MCAM: variants seen among roughly 807,000 people sequenced by gnomAD.
The protein encoded by MCAM is cell surface glycoprotein MUC18.
A neutral mutation model predicts 79.1 loss-of-function variants in MCAM; 55 were observed. That is an observed-to-expected ratio of 0.70 (90% CI 0.56 to 0.87). The LOEUF is 0.87. MCAM is among the 40% of genes least tolerant of loss of function. The pLI is 0.00. For missense variants in MCAM, 745 were observed against 839.8 expected, an observed-to-expected ratio of 0.89 and a Z score of 1.40; for synonymous variants, 330 against 339.8, an observed-to-expected ratio of 0.97 and a Z score of 0.32.
intron 5 of MCAM, 52 bp downstream of exon 5, chr11:119,314,437 T>G: frequency 1.3e-5 from 19 of 1,512,770 alleles, no homozygotes; most frequent in Non-Finnish European, 1.6e-5. Context: ...ATTACAGGTG[T>G]GAGCTACCAC....
chr11:119,313,192 AAAAAC>A, intron 5 of MCAM: 1 of 1,477,254 alleles, frequency 6.8e-7, no homozygotes, highest in South Asian at 1.2e-5. Flanking sequence ...CTGCAATGAT[AAAAAC>A]GAGCAGCCGT....
In MCAM at chr11:119,315,019, G is replaced by A; in HGVS notation, c.214C>T (p.Leu72Phe). 5 of 1,608,518 alleles carry A rather than the reference G, an allele frequency of 3.1e-6. No homozygotes were observed. Among genetic ancestry groups the A allele is most frequent in the Non-Finnish European group, 4.2e-6 (5 of 1,179,980 alleles). The part of the protein sequence containing the change: ...WFSVHKEKRT[L>F]IFRVRQGQGQ... The stretch of plus-strand genomic sequence containing the variant: ...TGGCCCTGGCGCACACGGAAGATGA[G>A]CGTCCGCTTCTCCTTGTGGACCTAA... Residue 72 changes from leucine (L) to phenylalanine (F), a missense_variant, in exon 3 of 16, where the codon CTC (leucine) becomes TTC (phenylalanine). By Grantham distance (22) the Leu-to-Phe change is conservative. Transcript: ENST00000264036. The surrounding 1 kb of genome is among the most constrained non-coding windows in gnomAD (Gnocchi z 4.4).
At chr11:119,310,609 C>T (rs1452167818) in intron 14 of MCAM, 143 bp from the exon 15 acceptor site, 2 of 1,088,180 alleles carry the variant, frequency 1.8e-6, no homozygotes, top group African/African-American at 3.1e-5. Flanking sequence ...GACCATGTGG[C>T]TGATGGAAGC....
intron 15 of MCAM, 30 bp from the exon 16 acceptor site, chr11:119,309,945 C>T: frequency 6.3e-7 from 1 of 1,586,438 alleles, no homozygotes; most frequent in African/African-American, 1.3e-5. Flanking sequence ...AAGAGGGGAA[C>T]ACGGAGACGG....
Position 119,308,985 on chromosome 11 carries a change from T to G in MCAM, c.*901A>C, listed in dbSNP as rs993696892. ...CAGGCACGTATCTTTTCTTTTTTTT[T>G]CCTCGAGACGGAGTCTCGCTGTGTT... is the stretch of plus-strand genomic sequence containing the variant. On this transcript the variant is annotated 3_prime_UTR_variant, in exon 16 of 16. Transcript: ENST00000264036. The G allele has an allele frequency of 6.6e-6, 1 of 152,210 alleles. No individual in the cohort carries two copies. Among genetic ancestry groups the G allele is most frequent in the Non-Finnish European group, 1.5e-5 (1 of 68,030 alleles). 9.4% of individuals were successfully genotyped at this position (152,210 alleles called of 1,614,324 possible). A position where few individuals can be genotyped will look rare whatever the true frequency, so the allele number is the denominator to read the frequency against.
chr11:119,317,062 C>T lies in MCAM; in HGVS notation c.40G>A (p.Ala14Thr). The T allele has an allele frequency of 6.5e-7, 1 of 1,534,686 alleles. No homozygotes were observed. The highest frequency in any genetic ancestry group is 1.4e-5 in the African/African-American group (1 of 71,868). Residue 14 changes from alanine (A) to threonine (T), a missense_variant, in exon 1 of 16, where the codon GCC becomes ACC. Ala to Thr is a moderately conservative substitution (Grantham distance 58). Transcript: ENST00000264036. This position sits in a 1 kb window ranked among gnomAD's most constrained non-coding sequence, Gnocchi z 6.2. ...PRLVCAFLLA[A>T]CCCCPRVAGV... ...GCGACGCGAGGACAGCAGCAGCAGG[C>T]GGCGAGCAAGAAGGCGCAGACCAGC...
At position 119,311,359 on chromosome 11, in the gene MCAM, C is replaced by T. The variant is rs372015610; in HGVS notation, c.1470G>A (p.Pro490=). Reference sequence around the variant, plus strand: ...ATTCAACACCTGTCTCCAACAGCTCCGGGGTCACGAGGACATTCAGGGTGC... The same window carrying T: ...ATTCAACACCTGTCTCCAACAGCTCTGGGGTCACGAGGACATTCAGGGTGC... The part of the protein sequence containing the change: ...VLSTLNVLVT[P]ELLETGVECT... Residue 490 remains proline (P), a synonymous_variant, in exon 12 of 16, where the codon CCG becomes CCA. Transcript: ENST00000264036. This position sits in a 1 kb window ranked among gnomAD's most constrained non-coding sequence, Gnocchi z 4.4. 1.7e-5 allele frequency: 27 copies of T among 1,614,072 alleles called. No homozygotes were observed. The highest frequency in any genetic ancestry group is 1.3e-4 in the Admixed American group (8 of 59,996).
rs749890916 is a variant in MCAM at position 119,311,491 on chromosome 11, A to C, written c.1407+39T>G. On this transcript the variant is annotated intron_variant, in intron 11 of 15. Coordinates refer to ENST00000264036, the MANE Select transcript of MCAM (RefSeq NM_006500.3). This position sits in a 1 kb window ranked among gnomAD's most constrained non-coding sequence, Gnocchi z 4.4. The stretch of plus-strand genomic sequence containing the variant: ...CTGGTCCTGGCCACAAAGCGCAGGC[A>C]GGGATTAGGAGAGTGTGGCAGATGA... 3 of 1,613,792 alleles carry C rather than the reference A, an allele frequency of 1.9e-6. No homozygotes were observed. The highest frequency in any genetic ancestry group is 1.7e-6 in the Non-Finnish European group (2 of 1,179,744).
In MCAM at chr11:119,317,022, C is replaced by A. The variant is rs927659206; in HGVS notation, c.67+13G>T. ...CCCTAGCCGGGGCGCGGCCCCCCTG[C>A]GAGCGAACTCACCCGCGACGCGAGG... On this transcript the variant is annotated intron_variant, in intron 1 of 15. Coordinates refer to ENST00000264036, the MANE Select transcript of MCAM (RefSeq NM_006500.3). This position sits in a 1 kb window ranked among gnomAD's most constrained non-coding sequence, Gnocchi z 6.2. 3 of 1,529,580 alleles carry A rather than the reference C, an allele frequency of 2.0e-6. No individual in the cohort carries two copies. The highest frequency in any genetic ancestry group is 5.0e-5 in the East Asian group (2 of 39,830). 94.8% of individuals were successfully genotyped at this position (1,529,580 alleles called of 1,614,324 possible). A position where few individuals can be genotyped will look rare whatever the true frequency, so the allele number is the denominator to read the frequency against.
At chr11:119,310,572 A>C (rs1436189485) in intron 14 of MCAM, 106 bp from the exon 15 acceptor site, 2 of 1,068,390 alleles carry the variant, frequency 1.9e-6, no homozygotes, top group Non-Finnish European at 2.8e-6. Flanking sequence ...CTCCAGGGCC[A>C]GCCCAGGGCA....
rs1466275532 is a variant in MCAM, at chr11:119,315,106, C to T, written c.192+33G>A. 1.2e-6 allele frequency: 2 copies of T among 1,612,680 alleles called. No homozygotes were observed. The highest frequency in any genetic ancestry group is 1.7e-6 in the Non-Finnish European group (2 of 1,179,986). On this transcript the variant is annotated intron_variant, in intron 2 of 15. Coordinates refer to ENST00000264036, the MANE Select transcript of MCAM (RefSeq NM_006500.3). The surrounding 1 kb of genome is among the most constrained non-coding windows in gnomAD (Gnocchi z 4.4). ...TACAAGAGGGGCAGAGTCTCCCTCC[C>T]CGGGCTGCTCTTGCAGGAGCCCAAG...
In MCAM at chr11:119,314,822, G is replaced by C. The variant is rs945943769; in HGVS notation, c.400+11C>G. ...CCTCACTACCCTGCTGGCAGACACA[G>C]GGTCACGCACTGTAGACGCGGAGCT... On this transcript the variant is annotated intron_variant, in intron 3 of 15. Transcript: ENST00000264036. The C allele has an allele frequency of 1.9e-6, 3 of 1,613,582 alleles. No individual in the cohort carries two copies. The highest frequency in any genetic ancestry group is 2.5e-6 in the Non-Finnish European group (3 of 1,179,862).
chr11:119,311,589 G>T lies in MCAM; in HGVS notation c.1348C>A (p.Leu450Met), dbSNP rs1950234817. ...VWVKENMVLN[L>M]SCEASGHPRP... is the part of the protein sequence containing the mutation. ...GGGTGCCCTGACGCTTCACAAGACAGATTCAACACCATATTCTCTTTCACC... is the reference window on the plus strand; with the variant it reads ...GGGTGCCCTGACGCTTCACAAGACATATTCAACACCATATTCTCTTTCACC... The change falls in exon 11 of 16, where the codon CTG (leucine) becomes ATG (methionine). Residue 450 changes from leucine to methionine, a missense_variant. Physicochemically the swap from Leu to Met is conservative, Grantham distance 15. Coordinates refer to ENST00000264036, the MANE Select transcript of MCAM (RefSeq NM_006500.3). This position sits in a 1 kb window ranked among gnomAD's most constrained non-coding sequence, Gnocchi z 4.4. The T allele has an allele frequency of 6.2e-7, 1 of 1,614,152 alleles. No individual in the cohort carries two copies.
chr11:119,312,632 C>T lies in MCAM; in HGVS notation c.756G>A (p.Val252=), dbSNP rs1950251973. 4 of 1,614,106 alleles carry T rather than the reference C, an allele frequency of 2.5e-6. No homozygotes were observed. The highest frequency in any genetic ancestry group is 3.4e-6 in the Non-Finnish European group (4 of 1,180,050). ...TVPVFYPTEK[V]WLEVEPVGML... ...TTCCCACGGGCTCCACTTCCAGCCACACTTTTTCTGTCGGGTCTGCATAGG... is the reference window on the plus strand; with the variant it reads ...TTCCCACGGGCTCCACTTCCAGCCATACTTTTTCTGTCGGGTCTGCATAGG... Residue 252 remains valine, a synonymous_variant, in exon 7 of 16, where the codon GTG becomes GTA. Coordinates refer to ENST00000264036, the MANE Select transcript of MCAM (RefSeq NM_006500.3). The surrounding 1 kb of genome is among the most constrained non-coding windows in gnomAD (Gnocchi z 4.9).
chr11:119,309,055 T>TC lies in MCAM; in HGVS notation c.*830dup, dbSNP rs1487849857. On this transcript the variant is annotated 3_prime_UTR_variant, in exon 16 of 16. Transcript: ENST00000264036. Reference sequence around the variant, plus strand: ...GGCACGGTCTCGGCTCACTGCAAGCTCCACCTCCTGGATTCATACCATTCT... The same window carrying TC: ...GGCACGGTCTCGGCTCACTGCAAGCTCCCACCTCCTGGATTCATACCATTCT... The TC allele has an allele frequency of 1.3e-5, 2 of 152,194 alleles. No homozygotes were observed. The highest frequency in any genetic ancestry group is 4.8e-5 in the African/African-American group (2 of 41,428). The allele number at this position is 152,194 out of a possible 1,614,324, so 9.4% of individuals were successfully genotyped here.
rs1025994196 is a variant in MCAM at position 119,309,474 on chromosome 11, T to G, written c.*412A>C. 7.2e-5 allele frequency: 18 copies of G among 249,354 alleles called. No homozygotes were observed. The highest frequency in any genetic ancestry group is 7.8e-6 in the Non-Finnish European group (1 of 127,476). The allele number at this position is 249,354 out of a possible 1,614,324, so 15.4% of individuals were successfully genotyped here. A position where few individuals can be genotyped will look rare whatever the true frequency, so the allele number is the denominator to read the frequency against. ...GCGCCTGGCTCCGGTGTGTCCTCAC[T>G]TCAGTGGTGCACCTGGATGGTGGAA... On this transcript the variant is annotated 3_prime_UTR_variant, in exon 16 of 16. Transcript: ENST00000264036.
rs531040877 is a variant in MCAM at position 119,309,879 on chromosome 11, T to A, written c.*7A>T. On this transcript the variant is annotated 3_prime_UTR_variant, in exon 16 of 16. Coordinates refer to ENST00000264036, the MANE Select transcript of MCAM (RefSeq NM_006500.3). ...CAGGCAGGGAAGGGAGCTGAAGTGA[T>A]TCGGGGCTAATGCCTCAGATCGATG... 1.9e-6 allele frequency: 3 copies of A among 1,599,108 alleles called. No homozygotes were observed. Among genetic ancestry groups the A allele is most frequent in the Middle Eastern group, 1.7e-4 (1 of 5,856 alleles).
rs1950236830 is a variant in MCAM, at chr11:119,311,735, G to A, written c.1285+73C>T. ...ACCAGAGCTCCCCAGGGCAGCAGGT[G>A]GCTTTTTGTCAAAGAGCTTAAAAAC... On this transcript the variant is annotated intron_variant, in intron 10 of 15. Transcript: ENST00000264036. The surrounding 1 kb of genome is among the most constrained non-coding windows in gnomAD (Gnocchi z 4.4). The A allele has an allele frequency of 3.5e-5, 57 of 1,607,616 alleles. No individual in the cohort carries two copies. In the South Asian group the frequency reaches 5.4e-4, roughly 15 times the overall value.
At chr11:119,310,306 CCT>C (rs769105047) in intron 15 of MCAM, 41 bp downstream of exon 15, 2 of 1,290,864 alleles carry the variant, frequency 1.5e-6, no homozygotes, top group South Asian at 1.2e-5. Context: ...GCCCCCGGTC[CCT>C]GAGGATGTGG....
Sources: gnomAD v4.1 joint callset for allele counts on GRCh38, gnomAD v4.1.1 for gene constraint, Gnocchi (gnomAD v3.1) non-coding constraint, MANE v1.5 for transcripts, NCBI Gene and HGNC (gene_info 2026-07-23, HGNC 2026-07-21) for gene names.